GOLGA3: variants seen among roughly 807,000 people sequenced by gnomAD.
GOLGA3 encodes golgin subfamily A member 3.
GOLGA3 carries 75 observed loss-of-function variants against 169.4 expected under a neutral mutation model. That is an observed-to-expected ratio of 0.44 (90% CI 0.37 to 0.54). The LOEUF is 0.54. Among genes scored for constraint, GOLGA3 ranks in the 20% least tolerant of loss-of-function variants. GOLGA3 has a pLI of 0.00. For missense variants in GOLGA3, 1,899 were observed against 1,930.0 expected, an observed-to-expected ratio of 0.98 and a Z score of 0.30; for synonymous variants, 824 against 822.4, an observed-to-expected ratio of 1.00 and a Z score of -0.03.
At chr12:132,798,536 C>G in intron 8 of GOLGA3, 59 bp from the exon 9 acceptor site, 1 of 1,522,252 alleles carries the variant, frequency 6.6e-7, no homozygotes, top group Admixed American at 1.9e-5. Flanking sequence ...AAATGCAGAC[C>G]AGCCTGTCCC....
At chr12:132,788,065 C>A (rs1050950718) in intron 13 of GOLGA3, among the ~76,000 whole-genome samples, 41 of 151,972 alleles carry the variant, frequency 2.7e-4, no homozygotes, top group Non-Finnish European at 3.1e-4. Context: ...GGGGTCCGAA[C>A]GTGCTCTGCC....
At chr12:132,789,515 C>T (rs1345678615) in intron 12 of GOLGA3, among the ~76,000 whole-genome samples, 1 of 152,244 alleles carries the variant, frequency 6.6e-6, no homozygotes, top group Non-Finnish European at 1.5e-5. Context: ...GTGCACAAGG[C>T]AGTCACACCG....
At chr12:132,792,149 AG>A (rs1204525787) in intron 11 of GOLGA3, among the ~76,000 whole-genome samples, 1 of 152,212 alleles carries the variant, frequency 6.6e-6, no homozygotes, top group Non-Finnish European at 1.5e-5. Flanking sequence ...CAGATGTTAT[AG>A]GAAGAAGCAC....
Position 132,808,472 on chromosome 12 carries a change from T to G in GOLGA3, c.597A>C (p.Pro199=), listed in dbSNP as rs1312815370. ...PELMLNPENL[P]RASTLAMTKE... ...TTGTCATAGCCAGGGTACTGGCCCT[T>G]GGTAAGTTTTCTGGGTTTAACATGA... Residue 199 remains proline (P), a synonymous_variant, in exon 5 of 24, where the codon CCA becomes CCC. Coordinates refer to ENST00000450791, the MANE Select transcript of GOLGA3 (RefSeq NM_001389683.1). 1 of 1,613,812 alleles carries G rather than the reference T, an allele frequency of 6.2e-7. No homozygotes were observed. Among genetic ancestry groups the G allele is most frequent in the African/African-American group, 1.3e-5 (1 of 74,914 alleles).
chr12:132,786,453 C>T lies in GOLGA3; in HGVS notation c.3009G>A (p.Val1003=). 1 of 1,613,598 alleles carries T rather than the reference C, an allele frequency of 6.2e-7. No homozygotes were observed. Among genetic ancestry groups the T allele is most frequent in the Non-Finnish European group, 8.5e-7 (1 of 1,179,848 alleles). The change falls in exon 15 of 24, where the codon GTG becomes GTA. Residue 1003 remains valine (V), a synonymous_variant. Transcript: ENST00000450791. ...CCTGCAGGCGGCGGCTGAGGATGCC[C>T]ACGGCGTTCTCGTAGGCCTTATGTT... ...KTKHKAYENA[V]GILSRRLQEA... is the part of the protein sequence containing the mutation.
At chr12:132,808,779 C>A (rs1949553682) in intron 4 of GOLGA3, among the ~76,000 whole-genome samples, 1 of 152,206 alleles carries the variant, frequency 6.6e-6, no homozygotes, top group African/African-American at 2.4e-5. Context: ...TGGTCTAAAG[C>A]ACACTCTTCA....
At chr12:132,788,203 A>G (rs946933173) in intron 13 of GOLGA3, among the ~76,000 whole-genome samples, 18 of 152,060 alleles carry the variant, frequency 1.2e-4, no homozygotes, top group Admixed American at 9.2e-4. Context: ...TGCCGGCCAC[A>G]CCGCCTACTC....
chr12:132,802,241 A>T (rs1949161661), intron 7 of GOLGA3, among the ~76,000 whole-genome samples: 1 of 152,270 alleles, frequency 6.6e-6, no homozygotes. Context: ...ACCTCTGTTC[A>T]GTGTTTCCAT....
intron 11 of GOLGA3, among the ~76,000 whole-genome samples, chr12:132,794,537 G>A (rs1056105167): frequency 6.6e-6 from 1 of 152,102 alleles, no homozygotes; most frequent in Non-Finnish European, 1.5e-5. Flanking sequence ...CATCTGCCCT[G>A]GGGAAAACAG....
At chr12:132,814,243 C>T (rs941125879) in intron 3 of GOLGA3, among the ~76,000 whole-genome samples, 3 of 151,866 alleles carry the variant, frequency 2.0e-5, no homozygotes, top group African/African-American at 7.3e-5. Context: ...AGGCTGGTCT[C>T]GAACTCCCGA....
In GOLGA3 at chr12:132,786,464, C is replaced by A; in HGVS notation, c.2998G>T (p.Glu1000Ter). ...KEMKTKHKAY[E>*]NAVGILSRRL... ...CGGCTGAGGATGCCCACGGCGTTCT[C>A]GTAGGCCTTATGTTTGGTCTTCATC... Residue 1000 changes from glutamate (E) to a stop codon, truncating the protein, a stop_gained, in exon 15 of 24, where the codon GAG becomes TAG. Coordinates refer to ENST00000450791, the MANE Select transcript of GOLGA3 (RefSeq NM_001389683.1). LOFTEE classifies it high-confidence loss of function. 6.2e-7 allele frequency: 1 copy of A among 1,613,762 alleles called. No homozygotes were observed. The highest frequency in any genetic ancestry group is 8.5e-7 in the Non-Finnish European group (1 of 1,179,962).
At position 132,818,250 on chromosome 12, in the gene GOLGA3, G is replaced by A. The variant is rs567489909; in HGVS notation, c.134-1438C>T. On this transcript the variant is annotated intron_variant, in intron 2 of 23. Coordinates refer to ENST00000450791, the MANE Select transcript of GOLGA3 (RefSeq NM_001389683.1). Reference sequence around the variant, plus strand: ...TTGGCTGTAGAATTTATGTAGTAACGACAGTAACATTTCCTCTTCTCTTTT... The same window carrying A: ...TTGGCTGTAGAATTTATGTAGTAACAACAGTAACATTTCCTCTTCTCTTTT... Among the ~76,000 whole-genome samples the A allele has an allele frequency of 9.9e-5, 15 of 152,284 alleles. No individual in the cohort carries two copies. In the East Asian group the frequency reaches 1.5e-3, roughly 16 times the overall value.
At chr12:132,797,581 G>A (rs1280646214) in intron 9 of GOLGA3, among the ~76,000 whole-genome samples, 1 of 152,082 alleles carries the variant, frequency 6.6e-6, no homozygotes, top group Non-Finnish European at 1.5e-5. Flanking sequence ...GTATGGTGAC[G>A]AGTGCCTGTA....
In GOLGA3 at chr12:132,789,135, G is replaced by C; in HGVS notation, c.2703C>G (p.Leu901=). 6.2e-7 allele frequency: 1 copy of C among 1,613,236 alleles called. No individual in the cohort carries two copies. The highest frequency in any genetic ancestry group is 1.1e-5 in the South Asian group (1 of 91,082). ...HGEKRTAEAE[L]SRLHREVAQV... The stretch of plus-strand genomic sequence containing the variant: ...GGGCCACCTCTCTGTGCAGGCGCGA[G>C]AGCTCCGCCTCGGCAGTCCGCTTCT... Residue 901 remains leucine, a synonymous_variant, in exon 13 of 24, where the codon CTC becomes CTG. Coordinates refer to ENST00000450791, the MANE Select transcript of GOLGA3 (RefSeq NM_001389683.1).
chr12:132,818,844 G>A (rs1950096733), intron 2 of GOLGA3, among the ~76,000 whole-genome samples: 1 of 152,072 alleles, frequency 6.6e-6, no homozygotes, highest in Admixed American at 6.5e-5. Flanking sequence ...TCTGCTTGAT[G>A]ACAGCCTGCT....
intron 18 of GOLGA3, among the ~76,000 whole-genome samples, chr12:132,779,205 G>T (rs185913622): frequency 6.6e-6 from 1 of 151,712 alleles, no homozygotes; most frequent in Non-Finnish European, 1.5e-5. Flanking sequence ...TCAGCCTCCC[G>T]AGTAGCTGGG....
chr12:132,786,721 T>C lies in GOLGA3; in HGVS notation c.2878A>G (p.Ile960Val). Reference sequence around the variant, plus strand: ...CGGGCCTCTTGCTGCAACTCTTCGATTTGTTTCTTCAGCGCCTCATTGGCC... The same window carrying C: ...CGGGCCTCTTGCTGCAACTCTTCGACTTGTTTCTTCAGCGCCTCATTGGCC... ...TEANEALKKQIEELQQEARKA... is the reference protein window; with the variant it reads ...TEANEALKKQVEELQQEARKA... The change falls in exon 14 of 24, where the codon ATC becomes GTC. Residue 960 changes from isoleucine to valine, a missense_variant. Transcript: ENST00000450791. 1 of 1,608,062 alleles carries C rather than the reference T, an allele frequency of 6.2e-7. No individual in the cohort carries two copies. The highest frequency in any genetic ancestry group is 1.1e-5 in the South Asian group (1 of 90,858).
At chr12:132,801,116 T>C (rs1949108985) in intron 8 of GOLGA3, among the ~76,000 whole-genome samples, 2 of 152,374 alleles carry the variant, frequency 1.3e-5, no homozygotes, top group South Asian at 4.1e-4. Flanking sequence ...AAGCAGTTGC[T>C]GTGGGCCGAG....
chr12:132,804,647 G>A lies in GOLGA3; in HGVS notation c.1597+69C>T. On this transcript the variant is annotated intron_variant, in intron 7 of 23. Coordinates refer to ENST00000450791, the MANE Select transcript of GOLGA3 (RefSeq NM_001389683.1). The surrounding 1 kb of genome is among the most constrained non-coding windows in gnomAD (Gnocchi z 4.1). ...AAGGAGGAGGGCGTGGCGGGGGCCA[G>A]TCGAGGAAGGAGGAGGGAGCAGCAG... The A allele has an allele frequency of 1.5e-6, 2 of 1,333,692 alleles. No individual in the cohort carries two copies. Among genetic ancestry groups the A allele is most frequent in the Non-Finnish European group, 1.1e-6 (1 of 950,608 alleles). The allele number at this position is 1,333,692 out of a possible 1,614,324, so 82.6% of individuals were successfully genotyped here. A position where few individuals can be genotyped will look rare whatever the true frequency, so the allele number is the denominator to read the frequency against.
Sources: gnomAD v4.1 joint callset for allele counts (sites outside exome capture counted in the v4.1 genomes callset) on GRCh38, gnomAD v4.1.1 for gene constraint, Gnocchi (gnomAD v3.1) non-coding constraint, MANE v1.5 for transcripts, NCBI Gene and HGNC (gene_info 2026-07-23, HGNC 2026-07-21) for gene names.